The following SHF variants were observed in gnomAD, a reference collection of about 807,000 sequenced individuals.
SHF encodes Src homology 2 domain containing F, also known as SH2 domain-containing adapter protein F.
SHF carries 30 observed loss-of-function variants against 42.4 expected under a neutral mutation model. That is an observed-to-expected ratio of 0.71 (90% confidence interval 0.53 to 0.96). The LOEUF is 0.96. SHF is among the 40% of genes least tolerant of loss of function. SHF has a pLI of 0.00. For missense variants in SHF, 598 were observed against 634.0 expected, an observed-to-expected ratio of 0.94 and a Z score of 0.61; for synonymous variants, 264 against 269.9, an observed-to-expected ratio of 0.98 and a Z score of 0.21.
At chr15:45,197,333 GGA>G (rs2141454728) in intron 2 of SHF, among the ~76,000 whole-genome samples, 1 of 151,640 alleles carries the variant, frequency 6.6e-6, no homozygotes, top group African/African-American at 2.4e-5. Context: ...AAATATTTAT[GGA>G]GAGACTGTGT....
chr15:45,170,248 C>T (rs1233502220), intron 6 of SHF: 22 of 858,026 alleles, frequency 2.6e-5, no homozygotes, highest in Non-Finnish European at 2.9e-5. Flanking sequence ...TACCGGGTGG[C>T]CTTGGGCAAG....
chr15:45,178,194 TC>T lies in SHF; in HGVS notation c.610del (p.Glu204SerfsTer8), dbSNP rs1283358671. On this transcript the variant is annotated frameshift_variant, in exon 2 of 7. Transcript: ENST00000690270. LOFTEE classifies it high-confidence loss of function. ...EKVPENDGYMEPYEAQKMMAE... is the reference protein window; with the variant it reads ...EKVPENDGYMXPYEAQKMMAE... ...CATCATCTTTTGAGCCTCATAGGGC[TC>T]CATGTAGCCATCATTTTCAGGGACC... 6.2e-7 allele frequency: 1 copy of T among 1,613,442 alleles called. No homozygotes were observed. The highest frequency in any genetic ancestry group is 1.1e-5 in the South Asian group (1 of 91,048).
intron 6 of SHF, 107 bp downstream of exon 6, chr15:45,171,776 G>A: frequency 8.0e-7 from 1 of 1,255,672 alleles, no homozygotes; most frequent in Non-Finnish European, 1.1e-6. Flanking sequence ...CCTGGGGATT[G>A]TTCATGGGGG....
intron 1 of SHF, among the ~76,000 whole-genome samples, chr15:45,182,161 A>C (rs2141393801): frequency 6.6e-6 from 1 of 152,332 alleles, no homozygotes; most frequent in Non-Finnish European, 1.5e-5. Context: ...TGGGCCATGC[A>C]ACACATCCCT....
Position 45,170,870 on chromosome 15 carries a change from T to C in SHF, c.1280+1013A>G, listed in dbSNP as rs796542980. 13 of 161,946 alleles carry C rather than the reference T, an allele frequency of 8.0e-5. No homozygotes were observed. In the South Asian group the frequency reaches 1.5e-3, roughly 18 times the overall value. The allele number at this position is 161,946 out of a possible 1,614,324, so 10.0% of individuals were successfully genotyped here. A position where few individuals can be genotyped will look rare whatever the true frequency, so the allele number is the denominator to read the frequency against. On this transcript the variant is annotated intron_variant, in intron 6 of 6. Coordinates refer to ENST00000690270, the MANE Select transcript of SHF (RefSeq NM_001394037.1). ...TTTCACCATGTTGGTCAGGTTGGTC[T>C]CGAACTCCTGACTTCAGGTGATCCA...
chr15:45,200,961 G>T, exon 1 of SHF: 1 of 425,896 alleles, frequency 2.3e-6, no homozygotes, highest in South Asian at 1.6e-5. Flanking sequence ...CTTCTTTTGC[G>T]GTCCGTGCGT....
chr15:45,195,018 G>A (rs964318835), intron 2 of SHF, among the ~76,000 whole-genome samples: 3 of 152,078 alleles, frequency 2.0e-5, no homozygotes, highest in Admixed American at 2.0e-4. Flanking sequence ...TTTTTGCAGA[G>A]ATGAGGTCTC....
intron 1 of SHF, chr15:45,200,199 TG>T (rs1388593483): frequency 2.6e-5 from 4 of 154,276 alleles, no homozygotes; most frequent in African/African-American, 9.7e-5. Context: ...AACTGGCGAG[TG>T]GTCTGTGCTT....
chr15:45,173,388 C>T (rs570620575), intron 4 of SHF, among the ~76,000 whole-genome samples, 188 bp downstream of exon 4: 27 of 152,324 alleles, frequency 1.8e-4, no homozygotes, highest in African/African-American at 6.3e-4. Flanking sequence ...AGGGGCCTCC[C>T]TGTAGAAGAC....
At position 45,173,604 on chromosome 15, in the gene SHF, G is replaced by T; in HGVS notation, c.960C>A (p.Leu320=). 1 of 1,543,286 alleles carries T rather than the reference G, an allele frequency of 6.5e-7. No homozygotes were observed. The change falls in exon 4 of 7, where the codon CTC becomes CTA. Residue 320 remains leucine (L), a synonymous_variant. Coordinates refer to ENST00000690270, the MANE Select transcript of SHF (RefSeq NM_001394037.1). ...TGCTGTCCTCCAGGCTGGGCTCAGG[G>T]AGGGGCGAGGCTGGACCGGAGATGT... ...DRDISGPASP[L]PEPSLEDSSA...
At chr15:45,170,198 C>G in intron 6 of SHF, 1 of 378,156 alleles carries the variant, frequency 2.6e-6, no homozygotes, top group Non-Finnish European at 4.6e-6. Context: ...TTTGTGGAGT[C>G]AGACAGAGCT....
Position 45,187,722 on chromosome 15 carries a change from C to T in SHF, c.230G>A (p.Arg77His). Residue 77 changes from arginine (R) to histidine (H), a missense_variant, in exon 1 of 7, where the codon CGC becomes CAC. Arg to His is a conservative substitution (Grantham distance 29, BLOSUM62 0). Coordinates refer to ENST00000690270, the MANE Select transcript of SHF (RefSeq NM_001394037.1). ...SKPAPPEPDY[R>H]PPAPSPAAPP... ...CGCGGCCGGAGAGGGCGCAGGGGGGCGGTAGTCGGGCTCGGGGGGCGCCGG... is the reference window on the plus strand; with the variant it reads ...CGCGGCCGGAGAGGGCGCAGGGGGGTGGTAGTCGGGCTCGGGGGGCGCCGG... 2.8e-6 allele frequency: 3 copies of T among 1,057,338 alleles called. No homozygotes were observed. The highest frequency in any genetic ancestry group is 3.6e-6 in the Non-Finnish European group (3 of 832,830). 65.5% of individuals were successfully genotyped at this position (1,057,338 alleles called of 1,614,324 possible).
chr15:45,170,241 C>T (rs77269169), intron 6 of SHF: 43,659 of 714,352 alleles, frequency 0.061, 1,567 homozygotes, highest in Middle Eastern at 0.091. Flanking sequence ...ACTTTATTAC[C>T]GGGTGGCCTT....
chr15:45,185,348 AGC>A (rs1898335420), intron 1 of SHF, among the ~76,000 whole-genome samples: 1 of 152,212 alleles, frequency 6.6e-6, no homozygotes, highest in Non-Finnish European at 1.5e-5. Flanking sequence ...CACATCCAGG[AGC>A]AGCATCTCTT....
intron 6 of SHF, chr15:45,171,585 A>G (rs1469177082): frequency 2.2e-6 from 1 of 445,740 alleles, no homozygotes; most frequent in East Asian, 3.9e-5. Flanking sequence ...CCTTCCCTAT[A>G]TTATCCCCCA....
At chr15:45,176,209 A>T (rs1260894317) in intron 2 of SHF, among the ~76,000 whole-genome samples, 1 of 152,006 alleles carries the variant, frequency 6.6e-6, no homozygotes, top group Non-Finnish European at 1.5e-5. Context: ...CCCTTCGACA[A>T]GTTACGTTCA....
chr15:45,198,889 G>C, exon 2 of SHF: 1 of 1,614,006 alleles, frequency 6.2e-7, no homozygotes, highest in Non-Finnish European at 8.5e-7. Context: ...ATGATGAGAT[G>C]GGCTCCCGGT....
At chr15:45,185,815 G>A (rs916728285) in intron 1 of SHF, among the ~76,000 whole-genome samples, 2 of 152,194 alleles carry the variant, frequency 1.3e-5, no homozygotes, top group Admixed American at 6.5e-5. Context: ...GGGAGTCTCC[G>A]ACCCTCACGC....
Position 45,175,240 on chromosome 15 carries a change from G to T in SHF, c.826C>A (p.Arg276=). Residue 276 remains arginine (R), a synonymous_variant, in exon 3 of 7, where the codon CGG becomes AGG. Coordinates refer to ENST00000690270, the MANE Select transcript of SHF (RefSeq NM_001394037.1). ...YDQPWEWKKE[R]ISKAFAVDIK... ...TCACCTGCAAAGGCTTTGGAAATCC[G>T]CTCCTTCTTCCACTCCCAGGGCTGG... 1 of 1,610,270 alleles carries T rather than the reference G, an allele frequency of 6.2e-7. No individual in the cohort carries two copies.
Sources: gnomAD v4.1 joint callset for allele counts (sites outside exome capture counted in the v4.1 genomes callset) on GRCh38, gnomAD v4.1.1 for gene constraint, MANE v1.5 for transcripts, NCBI Gene and HGNC (gene_info 2026-07-23, HGNC 2026-07-21) for gene names.